NEDD4L: variants seen among roughly 807,000 people sequenced by gnomAD.
NEDD4L encodes the protein E3 ubiquitin-protein ligase NEDD4-like.
A neutral mutation model predicts 148.9 loss-of-function variants in NEDD4L; 54 were observed. The ratio of observed to expected loss-of-function variants is 0.36; its 90% CI spans 0.29 to 0.45. The LOEUF (loss-of-function observed/expected upper bound fraction) is 0.45, where lower values mean the gene tolerates loss of function less well. Ranked by LOEUF, NEDD4L falls within the 20% of genes least tolerant of loss-of-function variation. The pLI, the probability that NEDD4L is intolerant of heterozygous loss-of-function variation, is 1.00. For synonymous variants in NEDD4L, 433 were observed against 440.7 expected (o/e 0.98, Z 0.22); for missense variants, 856 against 1,233.8 (o/e 0.69, Z 4.59).
chr18:58,266,235 A>C (rs2050203668), intron 5 of NEDD4L, among the ~76,000 whole-genome samples: 1 of 152,130 alleles, frequency 6.6e-6, no homozygotes, highest in African/African-American at 2.4e-5. Flanking sequence ...ATAATTTCAT[A>C]TAAAATGTTT....
intron 24 of NEDD4L, among the ~76,000 whole-genome samples, chr18:58,379,477 T>C (rs1182064060): frequency 6.6e-6 from 1 of 152,074 alleles, no homozygotes; most frequent in Non-Finnish European, 1.5e-5. Flanking sequence ...AGGGACAAAT[T>C]TGGGCGAAAG....
chr18:58,125,232 G>A (rs1421908879), intron 1 of NEDD4L, among the ~76,000 whole-genome samples: 3 of 152,184 alleles, frequency 2.0e-5, no homozygotes, highest in African/African-American at 4.8e-5. Flanking sequence ...GAAAGGTCAG[G>A]CACAGAGAAG....
rs753819686 is a variant in NEDD4L at position 58,123,753 on chromosome 18, C to T, written c.49-42035C>T. On this transcript the variant is annotated intron_variant, in intron 1 of 30. Transcript: ENST00000400345. Reference sequence around the variant, plus strand: ...CCTAGCTGATGACTTTGCTGCTTGTCTCATTGAGGAAAGAAGCCGTTCAGT... The same window carrying T: ...CCTAGCTGATGACTTTGCTGCTTGTTTCATTGAGGAAAGAAGCCGTTCAGT... Among the ~76,000 whole-genome samples, 16 of 152,070 alleles carry T rather than the reference C, an allele frequency of 1.1e-4. 1 individual carries two copies. Among genetic ancestry groups the T allele is most frequent in the Non-Finnish European group, 2.4e-4 (16 of 68,022 alleles).
At chr18:58,089,632 TG>T (rs141291573) in intron 1 of NEDD4L, among the ~76,000 whole-genome samples, 5,008 of 152,164 alleles carry the variant, frequency 0.033, 276 homozygotes, top group African/African-American at 0.11. Flanking sequence ...GAAAGGTGAA[TG>T]GGAGAGCTAC....
At chr18:58,293,741 AT>A (rs545253767) in intron 5 of NEDD4L, among the ~76,000 whole-genome samples, 6 of 152,004 alleles carry the variant, frequency 3.9e-5, no homozygotes, top group Non-Finnish European at 7.4e-5. Context: ...AGTAAGGAAA[AT>A]TTTTTTTGAG....
At chr18:58,069,020 C>G (rs1225621540) in intron 1 of NEDD4L, among the ~76,000 whole-genome samples, 1 of 151,794 alleles carries the variant, frequency 6.6e-6, no homozygotes, top group African/African-American at 2.4e-5. Context: ...ACCTGTAGTC[C>G]CAGCTACTTC....
At chr18:58,385,622 C>T (rs1270117409) in intron 26 of NEDD4L, 36 bp downstream of exon 26, 3 of 1,569,394 alleles carry the variant, frequency 1.9e-6, no homozygotes, top group Admixed American at 3.3e-5. Context: ...TGCCATGTGC[C>T]TCTGGTCCCG....
At chr18:58,063,063 TGAG>T (rs1568161553) in intron 1 of NEDD4L, among the ~76,000 whole-genome samples, 1 of 15,324 alleles carries the variant, frequency 6.5e-5, no homozygotes, top group Non-Finnish European at 1.3e-4. Context: ...TTTTTTTTTT[TGAG>T]ACAGTATCTC....
intron 1 of NEDD4L, among the ~76,000 whole-genome samples, chr18:58,155,357 C>G (rs1025950965): frequency 2.0e-5 from 3 of 149,062 alleles, no homozygotes; most frequent in African/African-American, 7.4e-5. Flanking sequence ...AGATGAAATC[C>G]TTTGATCTTA....
At chr18:58,341,223 C>T in intron 14 of NEDD4L, 54 bp downstream of exon 14, 1 of 1,583,902 alleles carries the variant, frequency 6.3e-7, no homozygotes, top group Non-Finnish European at 8.6e-7. Context: ...CCGAAATGTA[C>T]ATGACCGAAC....
chr18:58,338,003 A>G (rs984568993), intron 13 of NEDD4L, among the ~76,000 whole-genome samples: 5 of 152,226 alleles, frequency 3.3e-5, no homozygotes, highest in Admixed American at 6.5e-5. Context: ...TACACGAGCC[A>G]CCATTACTGG....
At chr18:58,301,368 T>A (rs2056435255) in intron 5 of NEDD4L, among the ~76,000 whole-genome samples, 1 of 152,200 alleles carries the variant, frequency 6.6e-6, no homozygotes, top group Admixed American at 6.5e-5. Context: ...TTGAAAGTTA[T>A]GTGGGAATCA....
In NEDD4L at chr18:58,146,368, G is replaced by T. The variant is rs540250405; in HGVS notation, c.49-19420G>T. Reference sequence around the variant, plus strand: ...CTCAGGGAGTCATTTGTGGATTGAGGGTGCTATGTGGGTGTGGACCACGGT... The same window carrying T: ...CTCAGGGAGTCATTTGTGGATTGAGTGTGCTATGTGGGTGTGGACCACGGT... On this transcript the variant is annotated intron_variant, in intron 1 of 30. Coordinates refer to ENST00000400345, the MANE Select transcript of NEDD4L (RefSeq NM_001144967.3). Among the ~76,000 whole-genome samples the T allele has an allele frequency of 2.6e-5, 4 of 152,234 alleles. No individual in the cohort carries two copies. The East Asian group carries it at 7.7e-4, about 29-fold the overall frequency.
chr18:58,131,896 C>A (rs2032211274), intron 1 of NEDD4L, among the ~76,000 whole-genome samples: 2 of 152,228 alleles, frequency 1.3e-5, no homozygotes, highest in South Asian at 4.1e-4. Flanking sequence ...GATTTTGAAC[C>A]AATTTTCTCA....
Position 58,366,850 on chromosome 18 carries a change from T to G in NEDD4L, c.2063+622T>G, listed in dbSNP as rs1034372306. Among the ~76,000 whole-genome samples, 1 of 152,138 alleles carries G rather than the reference T, an allele frequency of 6.6e-6. No individual in the cohort carries two copies. Among genetic ancestry groups the G allele is most frequent in the African/African-American group, 2.4e-5 (1 of 41,438 alleles). ...CCCCCAGTAGAATAGTCATTGACCT[T>G]GCTGAAGGGCATTTGTCATCACTCC... is the stretch of plus-strand genomic sequence containing the variant. On this transcript the variant is annotated intron_variant, in intron 21 of 30. Coordinates refer to ENST00000400345, the MANE Select transcript of NEDD4L (RefSeq NM_001144967.3). The surrounding 1 kb of genome is among the most constrained non-coding windows in gnomAD (Gnocchi z 4.2).
intron 2 of NEDD4L, chr18:58,193,723 C>T (rs2040360900): frequency 6.6e-6 from 1 of 152,230 alleles, no homozygotes; most frequent in South Asian, 2.1e-4. Flanking sequence ...AACATTTCTT[C>T]CGATATCTCC....
intron 5 of NEDD4L, among the ~76,000 whole-genome samples, chr18:58,254,308 T>C (rs899840758): frequency 6.6e-6 from 1 of 152,192 alleles, no homozygotes; most frequent in Non-Finnish European, 1.5e-5. Context: ...CTTTGTTAAA[T>C]AATTGATGTT....
intron 5 of NEDD4L, among the ~76,000 whole-genome samples, chr18:58,311,791 C>G (rs879926949): frequency 9.9e-5 from 15 of 152,196 alleles, no homozygotes; most frequent in Non-Finnish European, 2.9e-5. Flanking sequence ...ACATCTAAGC[C>G]TGGCGTCCAC....
At chr18:58,161,142 T>G (rs1599230610) in intron 1 of NEDD4L, among the ~76,000 whole-genome samples, 1 of 152,252 alleles carries the variant, frequency 6.6e-6, no homozygotes, top group East Asian at 1.9e-4. Flanking sequence ...TCCATTCTCC[T>G]GCCTCAGCCT....
Sources: allele counts gnomAD v4.1 joint callset (sites outside exome capture counted in the v4.1 genomes callset), GRCh38; gene constraint gnomAD v4.1.1; non-coding constraint Gnocchi (gnomAD v3.1); transcripts MANE v1.5; gene names NCBI Gene and HGNC (gene_info 2026-07-23, HGNC 2026-07-21).